WNT7A: variants seen among roughly 807,000 people sequenced by gnomAD.
WNT7A encodes the protein Wnt family member 7A.
Under a neutral mutation model 28.2 loss-of-function variants are expected in WNT7A, and 16 were observed. That is an observed-to-expected ratio of 0.57 (90% confidence interval 0.38 to 0.86). The LOEUF (loss-of-function observed/expected upper bound fraction) is 0.86, where lower values mean the gene tolerates loss of function less well. Ranked by LOEUF, WNT7A falls within the 40% of genes least tolerant of loss-of-function variation. The pLI, the probability that WNT7A is intolerant of heterozygous loss-of-function variation, is 0.00. For synonymous variants in WNT7A, 190 were observed against 195.9 expected (o/e 0.97, Z 0.25); for missense variants, 411 against 489.7 (o/e 0.84, Z 1.52).
intron 2 of WNT7A, among the ~76,000 whole-genome samples, chr3:13,861,954 C>A (rs201517575): frequency 6.6e-6 from 1 of 152,206 alleles, no homozygotes; most frequent in East Asian, 1.9e-4. Flanking sequence ...CATCCAGAAG[C>A]CAAGAGACCT....
chr3:13,840,803 G>A (rs1694445353), intron 3 of WNT7A, among the ~76,000 whole-genome samples: 1 of 151,390 alleles, frequency 6.6e-6, no homozygotes, highest in Non-Finnish European at 1.5e-5. Context: ...ATTTGTGCAT[G>A]CATGCATGCA....
intron 2 of WNT7A, among the ~76,000 whole-genome samples, chr3:13,856,846 A>G (rs1694737463): frequency 6.7e-6 from 1 of 149,162 alleles, no homozygotes; most frequent in Non-Finnish European, 1.5e-5. Flanking sequence ...GAAGAAGAAG[A>G]AGAGGAAGAA....
chr3:13,865,275 G>T (rs186968060), intron 2 of WNT7A, among the ~76,000 whole-genome samples: 86 of 152,254 alleles, frequency 5.6e-4, no homozygotes, highest in African/African-American at 2.0e-3. Context: ...ATAACATGCT[G>T]AGTTCCCCCA....
rs114590989 is a variant in WNT7A at position 13,823,902 on chromosome 3, G to A, written c.571-4479C>T. 6.6e-3 allele frequency among the ~76,000 whole-genome samples: 999 copies of A among 152,210 alleles called. 13 individuals are homozygous for A. The highest frequency in any genetic ancestry group is 0.023 in the African/African-American group (956 of 41,518). On this transcript the variant is annotated intron_variant, in intron 3 of 3. Transcript: ENST00000285018. ...AGGATGTCTGCACAACCCTATCAAA[G>A]GTCACAGCTCCTGCTGGGAAGTCCT...
At position 13,819,294 on chromosome 3, in the gene WNT7A, C is replaced by G. The variant is rs1248362942; in HGVS notation, c.700G>C (p.Glu234Gln). ...LGYVLKDKYNEAVHVEPVRAS... is the reference protein window; with the variant it reads ...LGYVLKDKYNQAVHVEPVRAS... ...CGCACAGGCTCCACGTGAACGGCCT[C>G]GTTGTACTTGTCCTTGAGCACGTAG... The change falls in exon 4 of 4, where the codon GAG becomes CAG. Residue 234 changes from glutamate to glutamine, a missense_variant. Glu to Gln is a conservative substitution (Grantham distance 29). Coordinates refer to ENST00000285018, the MANE Select transcript of WNT7A (RefSeq NM_004625.4). The G allele has an allele frequency of 1.2e-6, 2 of 1,614,106 alleles. No individual in the cohort carries two copies. The highest frequency in any genetic ancestry group is 2.2e-5 in the East Asian group (1 of 44,868).
At chr3:13,859,323 G>A (rs1694792906) in intron 2 of WNT7A, among the ~76,000 whole-genome samples, 1 of 152,160 alleles carries the variant, frequency 6.6e-6, no homozygotes, top group Non-Finnish European at 1.5e-5. Flanking sequence ...TTTCAACCCT[G>A]CCAAAAGCTG....
In WNT7A at chr3:13,839,139, T is replaced by C. The variant is rs140113657; in HGVS notation, c.570+15393A>G. ...ATGACCCATGTGTTTGGTATTATGT[T>C]TCTACTGGACAGTGCTGGTTGAAAT... On this transcript the variant is annotated intron_variant, in intron 3 of 3. Coordinates refer to ENST00000285018, the MANE Select transcript of WNT7A (RefSeq NM_004625.4). 1.3e-3 allele frequency among the ~76,000 whole-genome samples: 201 copies of C among 152,338 alleles called. 3 individuals are homozygous for C. Among genetic ancestry groups the C allele is most frequent in the Non-Finnish European group, 1.0e-4 (7 of 68,028 alleles).
intron 3 of WNT7A, among the ~76,000 whole-genome samples, chr3:13,842,474 T>C (rs1009109700): frequency 1.3e-5 from 2 of 151,810 alleles, no homozygotes; most frequent in African/African-American, 2.4e-5. Flanking sequence ...GAGATGCTGG[T>C]GAATAGGACT....
At position 13,818,196 on chromosome 3, in the gene WNT7A, G is replaced by T. The variant is rs1006883004; in HGVS notation, c.*748C>A. ...ACTTTCCGAAAGATGGAAACTGCTG[G>T]GAATTTATTATTTTTCCTCTCTATT... On this transcript the variant is annotated 3_prime_UTR_variant, in exon 4 of 4. Transcript: ENST00000285018. The T allele has an allele frequency of 6.7e-6, 1 of 149,428 alleles. No homozygotes were observed. The highest frequency in any genetic ancestry group is 2.4e-5 in the African/African-American group (1 of 41,056). The allele number at this position is 149,428 out of a possible 1,614,324, so 9.3% of individuals were successfully genotyped here.
rs190905467 is a variant in WNT7A at position 13,829,463 on chromosome 3, G to A, written c.571-10040C>T. 5.8e-4 allele frequency among the ~76,000 whole-genome samples: 88 copies of A among 152,308 alleles called. 3 individuals carry two copies. The highest frequency in any genetic ancestry group is 5.6e-3 in the Admixed American group (85 of 15,296). ...GCACCAGGTATCTCACAGAACTGGCGCCCAGCCTGTGGGAACTTTTCTCAT... is the reference window on the plus strand; with the variant it reads ...GCACCAGGTATCTCACAGAACTGGCACCCAGCCTGTGGGAACTTTTCTCAT... On this transcript the variant is annotated intron_variant, in intron 3 of 3. Transcript: ENST00000285018.
At chr3:13,842,079 G>C (rs1350143547) in intron 3 of WNT7A, among the ~76,000 whole-genome samples, 1 of 152,096 alleles carries the variant, frequency 6.6e-6, no homozygotes. Flanking sequence ...AAGGAGACAG[G>C]GGTGAGGGAG....
intron 2 of WNT7A, among the ~76,000 whole-genome samples, chr3:13,868,518 A>AGAG (rs1694947118): frequency 2.2e-5 from 3 of 135,770 alleles, no homozygotes; most frequent in Non-Finnish European, 3.1e-5. Context: ...GAGAGAGAGA[A>AGAG]AGAAAGGTGG....
intron 3 of WNT7A, among the ~76,000 whole-genome samples, chr3:13,838,628 G>A (rs1466809433): frequency 2.0e-5 from 3 of 152,242 alleles, no homozygotes; most frequent in Non-Finnish European, 4.4e-5. Flanking sequence ...CTGGGAAAGG[G>A]CTTCAAGGGG....
intron 2 of WNT7A, among the ~76,000 whole-genome samples, chr3:13,856,936 A>AAGAAGG (rs1694748754): frequency 8.8e-6 from 1 of 114,124 alleles, no homozygotes; most frequent in Non-Finnish European, 1.6e-5. Flanking sequence ...GAAGAAGAAG[A>AAGAAGG]AGAAGAAGAA....
intron 2 of WNT7A, among the ~76,000 whole-genome samples, chr3:13,865,509 T>C (rs1230317649): frequency 6.6e-6 from 1 of 152,128 alleles, no homozygotes; most frequent in African/African-American, 2.4e-5. Flanking sequence ...TCTTGATGAG[T>C]GAGGCTGCCC....
chr3:13,865,740 C>T (rs1006713647), intron 2 of WNT7A, among the ~76,000 whole-genome samples: 15 of 152,194 alleles, frequency 9.9e-5, no homozygotes, highest in African/African-American at 3.1e-4. Flanking sequence ...GCTGGCCTGC[C>T]TGGGGGCCAT....
intron 3 of WNT7A, among the ~76,000 whole-genome samples, chr3:13,851,335 G>T (rs1402433196): frequency 3.3e-5 from 5 of 152,154 alleles, no homozygotes; most frequent in Non-Finnish European, 5.9e-5. Flanking sequence ...CTCGTCACTC[G>T]TCCTCCCCAC....
chr3:13,863,561 G>A (rs1694866707), intron 2 of WNT7A: 1 of 152,042 alleles, frequency 6.6e-6, no homozygotes, highest in African/African-American at 2.4e-5. Flanking sequence ...ATAGTGTCAG[G>A]AGAGCTAAAA....
At position 13,854,550 on chromosome 3, in the gene WNT7A, G is replaced by A. The variant is rs370822981; in HGVS notation, c.552C>T (p.Asn184=). Residue 184 remains asparagine, a synonymous_variant, in exon 3 of 4, where the codon AAC becomes AAT. Coordinates refer to ENST00000285018, the MANE Select transcript of WNT7A (RefSeq NM_004625.4). ...TTCCTACCTTTCGGCCTGCCTCGTT[G>A]TTGTGCAAGTTCATGAGAGTCCGGG... ...QNARTLMNLH[N]NEAGRKILEE... is the part of the protein sequence containing the mutation. 3.7e-6 allele frequency: 6 copies of A among 1,614,022 alleles called. No individual in the cohort carries two copies. Among genetic ancestry groups the A allele is most frequent in the African/African-American group, 2.7e-5 (2 of 74,942 alleles).
Sources: gnomAD v4.1 joint callset for allele counts (sites outside exome capture counted in the v4.1 genomes callset) on GRCh38, gnomAD v4.1.1 for gene constraint, MANE v1.5 for transcripts, NCBI Gene and HGNC (gene_info 2026-07-23, HGNC 2026-07-21) for gene names.